The following RIT2 variants were observed in gnomAD, a reference collection of about 807,000 sequenced individuals.
The protein encoded by RIT2 is Ras like without CAAX 2, also known as GTP-binding protein Rit2.
In RIT2, 24 loss-of-function variants were observed where a neutral mutation model predicts 23.7. That is an observed-to-expected ratio of 1.01 (90% confidence interval 0.73 to 1.43). The LOEUF is 1.43. RIT2 is among the 40% of genes most tolerant of loss of function. The probability of loss-of-function intolerance (pLI) is 0.00; values close to 1 mark genes in which losing one functional copy is unlikely to be tolerated. For missense variants in RIT2, 236 were observed against 266.9 expected, an observed-to-expected ratio of 0.88 and a Z score of 0.81; for synonymous variants, 107 against 91.1, an observed-to-expected ratio of 1.17 and a Z score of -0.99.
At chr18:43,106,640 G>A (rs1210759050) in intron 1 of RIT2, among the ~76,000 whole-genome samples, 2 of 152,004 alleles carry the variant, frequency 1.3e-5, no homozygotes, top group African/African-American at 2.4e-5. Flanking sequence ...CTCCCCCTTC[G>A]GCTTTACATC....
intron 4 of RIT2, among the ~76,000 whole-genome samples, chr18:42,761,371 T>A (rs1247506965): frequency 1.3e-5 from 2 of 152,214 alleles, no homozygotes; most frequent in Non-Finnish European, 2.9e-5. Context: ...AAGAAATCCC[T>A]AAGCATTTGC....
chr18:42,976,947 G>C (rs1361370256), intron 2 of RIT2, among the ~76,000 whole-genome samples: 3 of 152,066 alleles, frequency 2.0e-5, no homozygotes, highest in African/African-American at 4.8e-5. Context: ...GTGACTAATT[G>C]TGTGAGAAAA....
intron 3 of RIT2, among the ~76,000 whole-genome samples, chr18:42,929,055 A>ATATATATATATT (rs1310407844): frequency 1.4e-5 from 2 of 145,828 alleles, no homozygotes; most frequent in Non-Finnish European, 3.0e-5. Flanking sequence ...ATATATATAT[A>ATATATATATATT]TATTTATATG....
At chr18:43,003,169 A>G (rs1427701668) in intron 2 of RIT2, among the ~76,000 whole-genome samples, 5 of 152,000 alleles carry the variant, frequency 3.3e-5, no homozygotes, top group African/African-American at 1.2e-4. Context: ...ACTGTATAAC[A>G]TTAAATATGC....
At chr18:43,108,884 T>C (rs1209370947) in intron 1 of RIT2, among the ~76,000 whole-genome samples, 1 of 152,152 alleles carries the variant, frequency 6.6e-6, no homozygotes, top group African/African-American at 2.4e-5. Flanking sequence ...TTTCCCCTTG[T>C]TTATTTTGTT....
At chr18:42,793,545 A>G (rs1410181590) in intron 4 of RIT2, among the ~76,000 whole-genome samples, 2 of 152,214 alleles carry the variant, frequency 1.3e-5, no homozygotes, top group African/African-American at 2.4e-5. Context: ...GGACTTCAAC[A>G]TATTAATGCC....
At chr18:42,952,702 CA>C (rs1488966860) in intron 3 of RIT2, among the ~76,000 whole-genome samples, 1 of 151,752 alleles carries the variant, frequency 6.6e-6, no homozygotes, top group Middle Eastern at 3.2e-3. Flanking sequence ...AATGATACTA[CA>C]AGTAAAAAAT....
At chr18:43,092,463 C>T (rs909203479) in intron 1 of RIT2, among the ~76,000 whole-genome samples, 1 of 152,006 alleles carries the variant, frequency 6.6e-6, no homozygotes, top group Admixed American at 6.6e-5. Flanking sequence ...TCAAGTTTGT[C>T]ATCTCTTCAT....
At chr18:42,882,373 TA>T (rs1048744873) in intron 4 of RIT2, among the ~76,000 whole-genome samples, 1 of 152,214 alleles carries the variant, frequency 6.6e-6, no homozygotes, top group Admixed American at 6.5e-5. Flanking sequence ...GTTTTCTACT[TA>T]AAAATAAGTC....
intron 1 of RIT2, among the ~76,000 whole-genome samples, chr18:43,080,330 T>G (rs541404327): frequency 5.3e-5 from 8 of 152,234 alleles, no homozygotes; most frequent in Non-Finnish European, 1.0e-4. Flanking sequence ...AACGTAAAAC[T>G]TATCTGATTA....
At chr18:42,753,097 G>A (rs1465563191) in intron 4 of RIT2, among the ~76,000 whole-genome samples, 1 of 152,110 alleles carries the variant, frequency 6.6e-6, no homozygotes, top group Non-Finnish European at 1.5e-5. Context: ...CTGCATGGGG[G>A]GTTGATGAGA....
intron 1 of RIT2, among the ~76,000 whole-genome samples, chr18:43,090,491 C>G (rs1913396729): frequency 6.6e-6 from 1 of 152,060 alleles, no homozygotes; most frequent in Admixed American, 6.6e-5. Flanking sequence ...CATAAGAACA[C>G]CATTTGACCC....
chr18:42,978,962 CAAAATTCAAACTCAAGG>C (rs1910534730), intron 2 of RIT2, among the ~76,000 whole-genome samples: 1 of 151,916 alleles, frequency 6.6e-6, no homozygotes, highest in African/African-American at 2.4e-5. Context: ...AAAAAGAAAG[CAAAATTCAAACTCAAGG>C]AATATTATGT....
intron 4 of RIT2, among the ~76,000 whole-genome samples, chr18:42,808,577 G>A (rs56085814): frequency 1.4e-4 from 21 of 147,612 alleles, no homozygotes; most frequent in South Asian, 4.3e-4. Flanking sequence ...AAAAGAATTC[G>A]TTTTTTTTTT....
intron 4 of RIT2, among the ~76,000 whole-genome samples, chr18:42,748,662 C>T (rs1199864915): frequency 6.6e-6 from 1 of 151,906 alleles, no homozygotes; most frequent in Non-Finnish European, 1.5e-5. Context: ...CAGCACAATT[C>T]ACAAATGCAA....
chr18:42,901,037 A>G (rs566906641), intron 4 of RIT2, among the ~76,000 whole-genome samples: 5 of 152,104 alleles, frequency 3.3e-5, no homozygotes, highest in African/African-American at 1.2e-4. Flanking sequence ...GATAAAACTG[A>G]TGGTTCCTTG....
intron 4 of RIT2, among the ~76,000 whole-genome samples, chr18:42,882,941 C>T (rs1032100578): frequency 3.7e-4 from 57 of 152,186 alleles, no homozygotes; most frequent in African/African-American, 1.4e-3. Context: ...AGCTTGATAG[C>T]ATATGTGATC....
intron 1 of RIT2, among the ~76,000 whole-genome samples, chr18:43,045,626 A>G (rs149329148): frequency 3.4e-4 from 52 of 152,326 alleles, no homozygotes; most frequent in African/African-American, 1.2e-3. Flanking sequence ...ACAATTTTGT[A>G]AAAACACTTT....
intron 3 of RIT2, among the ~76,000 whole-genome samples, chr18:42,923,971 AT>A (rs901659281): frequency 5.9e-5 from 9 of 151,376 alleles, no homozygotes; most frequent in African/African-American, 1.5e-4. Context: ...TATAAAGATG[AT>A]TTTTTTTTAA....
Sources: allele counts gnomAD v4.1 joint callset (sites outside exome capture counted in the v4.1 genomes callset), GRCh38; gene constraint gnomAD v4.1.1; transcripts MANE v1.5; gene names NCBI Gene and HGNC (gene_info 2026-07-23, HGNC 2026-07-21).